MGAM: variants seen among roughly 807,000 people sequenced by gnomAD.
MGAM encodes maltase-glucoamylase, also known as alpha-1,4-glucosidase.
Under a neutral mutation model 358.8 loss-of-function variants are expected in MGAM, and 253 were observed. The observed-to-expected ratio is 0.71, with a 90% CI of 0.64 to 0.78. The LOEUF (loss-of-function observed/expected upper bound fraction) is 0.78, where lower values mean the gene tolerates loss of function less well. Among genes scored for constraint, MGAM ranks in the 30% least tolerant of loss-of-function variants. The pLI, the probability that MGAM is intolerant of heterozygous loss-of-function variation, is 0.00. For synonymous variants in MGAM, 1,105 were observed against 1,227.1 expected, an observed-to-expected ratio of 0.90 and a Z score of 2.08; for missense variants, 3,080 against 3,432.6, an observed-to-expected ratio of 0.90 and a Z score of 2.57.
chr7:142,042,157 TAC>T (rs1215171097), intron 21 of MGAM, among the ~76,000 whole-genome samples: 6 of 49,436 alleles, frequency 1.2e-4, no homozygotes, highest in African/African-American at 6.2e-4. Flanking sequence ...ATAATATATA[TAC>T]ATATAATATA....
At chr7:142,101,908 CAA>C (rs11452654) in intron 68 of MGAM, among the ~76,000 whole-genome samples, 2 of 130,050 alleles carry the variant, frequency 1.5e-5, no homozygotes, top group Non-Finnish European at 1.6e-5. Context: ...AACTCTGTCT[CAA>C]AAAAAAAAAA....
intron 13 of MGAM, among the ~76,000 whole-genome samples, chr7:142,032,100 T>C: frequency 6.6e-6 from 1 of 150,832 alleles, no homozygotes; most frequent in African/African-American, 2.4e-5. Context: ...ACTCCTTACA[T>C]TGTTGCAAAG....
chr7:142,086,295 G>A lies in MGAM; in HGVS notation c.6714G>A (p.Lys2238=), dbSNP rs771712086. The change falls in exon 56 of 71, where the codon AAG becomes AAA. Residue 2238 remains lysine, a synonymous_variant. Coordinates refer to ENST00000475668, the MANE Select transcript of MGAM (RefSeq NM_001365693.1). The part of the protein sequence containing the change: ...TRGVEDDVFI[K]YPNDGDIVWG... ...GCGTGGAGGATGACGTCTTCATCAAGTACCCAAATGATGGAGACATTGTCT... is the reference window on the plus strand; with the variant it reads ...GCGTGGAGGATGACGTCTTCATCAAATACCCAAATGATGGAGACATTGTCT... The A allele has an allele frequency of 5.7e-5, 88 of 1,537,894 alleles. 10 individuals carry two copies. The highest frequency in any genetic ancestry group is 1.1e-4 in the African/African-American group (8 of 74,222).
chr7:142,095,644 C>T lies in MGAM; in HGVS notation c.7538C>T (p.Pro2513Leu), dbSNP rs1483325255. The T allele has an allele frequency of 6.2e-7, 1 of 1,613,918 alleles. No individual in the cohort carries two copies. The highest frequency in any genetic ancestry group is 1.7e-5 in the Admixed American group (1 of 60,028). The change falls in exon 64 of 71, where the codon CCA (proline) becomes CTA (leucine). Residue 2513 changes from proline to leucine, a missense_variant. This residue lies in a region of MGAM where 932 missense variants were observed against 1,198.2 expected (regional missense o/e 0.78). Transcript: ENST00000475668. ...TVLQTRYTLL[P>L]YLYTLMHKAH... Reference sequence around the variant, plus strand: ...CTGCAGACCAGATACACCCTGTTGCCATATCTGTATACCTTGATGCATAAG... The same window carrying T: ...CTGCAGACCAGATACACCCTGTTGCTATATCTGTATACCTTGATGCATAAG...
At chr7:142,039,767 T>C (rs1445046420) in intron 19 of MGAM, among the ~76,000 whole-genome samples, 2 of 152,128 alleles carry the variant, frequency 1.3e-5, no homozygotes, top group African/African-American at 4.8e-5. Flanking sequence ...TTGTGCTGGC[T>C]TCTCATCTGC....
chr7:142,007,108 A>AT (rs1220088584), intron 2 of MGAM, among the ~76,000 whole-genome samples: 2 of 152,030 alleles, frequency 1.3e-5, no homozygotes, highest in Non-Finnish European at 2.9e-5. Flanking sequence ...TGTTGCTCTG[A>AT]TAGGTGCTCT....
At chr7:141,987,282 C>T (rs1554446397) in intron 2 of MGAM, among the ~76,000 whole-genome samples, 1 of 152,156 alleles carries the variant, frequency 6.6e-6, no homozygotes, top group Non-Finnish European at 1.5e-5. Flanking sequence ...TCTGCTTTTC[C>T]TTCTGTGGGT....
chr7:142,006,584 T>A (rs541919950), intron 2 of MGAM, among the ~76,000 whole-genome samples: 1 of 152,268 alleles, frequency 6.6e-6, no homozygotes, highest in African/African-American at 2.4e-5. Flanking sequence ...TGCTTTGTGC[T>A]TTGTCTTAAG....
At position 142,019,242 on chromosome 7, in the gene MGAM, C is replaced by A; in HGVS notation, c.371C>A (p.Ala124Asp). 1 of 1,613,690 alleles carries A rather than the reference C, an allele frequency of 6.2e-7. No homozygotes were observed. Among genetic ancestry groups the A allele is most frequent in the South Asian group, 1.1e-5 (1 of 91,080 alleles). Residue 124 changes from alanine to aspartate, a missense_variant, in exon 4 of 71, where the codon GCT (alanine) becomes GAT (aspartate). Ala to Asp is a moderately radical substitution (Grantham distance 126). Around this residue, in one of 5 missense-constraint regions of MGAM, gnomAD observed 1,816 missense variants for 1,840.5 expected, o/e 0.99. Transcript: ENST00000475668. ...GGCTGTTGCTGGAATCCCCAGGGAG[C>A]TGTAAGTGTTCCCTGGTGCTACTAT... is the stretch of plus-strand genomic sequence containing the variant. ...QRGCCWNPQG[A>D]VSVPWCYYSK...
intron 25 of MGAM, 45 bp from the exon 26 acceptor site, chr7:142,052,739 A>G: frequency 1.2e-6 from 2 of 1,603,834 alleles, no homozygotes; most frequent in Non-Finnish European, 8.5e-7. Flanking sequence ...GAGAACTTTA[A>G]GACCACATGC....
rs937702346 is a variant in MGAM, at chr7:142,059,944, A to C, written c.4037A>C (p.Asp1346Ala). Residue 1346 changes from aspartate (D) to alanine (A), a missense_variant, in exon 33 of 71, where the codon GAT becomes GCT. Around this residue, in one of 5 missense-constraint regions of MGAM, gnomAD observed 1,816 missense variants for 1,840.5 expected, o/e 0.99. Coordinates refer to ENST00000475668, the MANE Select transcript of MGAM (RefSeq NM_001365693.1). ...GACGTCTTCATCAAATACCCAAATG[A>C]TGGAGACATTGTCTGGGGAAAGGTA... ...EDDVFIKYPN[D>A]GDIVWGKVWP... is the part of the protein sequence containing the mutation. 2 of 1,607,540 alleles carry C rather than the reference A, an allele frequency of 1.2e-6. No homozygotes were observed. The highest frequency in any genetic ancestry group is 2.7e-5 in the African/African-American group (2 of 74,812).
intron 3 of MGAM, among the ~76,000 whole-genome samples, chr7:142,016,989 C>A (rs1421817880): frequency 1.3e-5 from 2 of 152,164 alleles, no homozygotes; most frequent in African/African-American, 4.8e-5. Context: ...GGACTTACTT[C>A]TTTAAATGTA....
intron 36 of MGAM, 44 bp from the exon 37 acceptor site, chr7:142,064,340 C>T (rs534322744): frequency 7.0e-5 from 111 of 1,580,828 alleles, no homozygotes; most frequent in South Asian, 3.5e-4. Context: ...CAGGGAGAAA[C>T]AGAATCAGGG....
At position 142,093,536 on chromosome 7, in the gene MGAM, C is replaced by G; in HGVS notation, c.7158C>G (p.Thr2386=). 1 of 1,501,458 alleles carries G rather than the reference C, an allele frequency of 6.7e-7. No individual in the cohort carries two copies. Among genetic ancestry groups the G allele is most frequent in the Non-Finnish European group, 9.1e-7 (1 of 1,104,434 alleles). 93.0% of individuals were successfully genotyped at this position (1,501,458 alleles called of 1,614,324 possible). A position where few individuals can be genotyped will look rare whatever the true frequency, so the allele number is the denominator to read the frequency against. The change falls in exon 60 of 71, where the codon ACC becomes ACG. Residue 2386 remains threonine (T), a synonymous_variant. Transcript: ENST00000475668. ...ACAACCTGTACGGGTGGTCCCAGACCAGACCCACATACGAGTGAGTCTCTG... is the reference window on the plus strand; with the variant it reads ...ACAACCTGTACGGGTGGTCCCAGACGAGACCCACATACGAGTGAGTCTCTG... ...NVHNLYGWSQ[T]RPTYEAVQEV...
intron 26 of MGAM, among the ~76,000 whole-genome samples, chr7:142,054,536 A>G (rs1213145440): frequency 6.6e-6 from 1 of 152,180 alleles, no homozygotes; most frequent in East Asian, 1.9e-4. Flanking sequence ...GCAATGTCCC[A>G]TTGAGTTTAT....
At position 142,088,437 on chromosome 7, in the gene MGAM, C is replaced by CTATGTATGTATGTATGTATGTATG. The variant is rs75555022; in HGVS notation, c.6810+1723_6810+1746dup. 2.2e-3 allele frequency among the ~76,000 whole-genome samples: 312 copies of CTATGTATGTATGTATGTATGTATG among 139,676 alleles called. 8 individuals carry two copies. Among genetic ancestry groups the CTATGTATGTATGTATGTATGTATG allele is most frequent in the African/African-American group, 7.4e-3 (291 of 39,372 alleles). The allele number at this position is 139,676 out of a possible 152,430, so 91.6% of individuals were successfully genotyped here. A position where few individuals can be genotyped will look rare whatever the true frequency, so the allele number is the denominator to read the frequency against. On this transcript the variant is annotated intron_variant, in intron 57 of 70. Coordinates refer to ENST00000475668, the MANE Select transcript of MGAM (RefSeq NM_001365693.1). Reference sequence around the variant, plus strand: ...TATCTATGTATATCCATGTACCCATCTATGTATGTATGTATGTATGTATGT... The same window carrying CTATGTATGTATGTATGTATGTATG: ...TATCTATGTATATCCATGTACCCATCTATGTATGTATGTATGTATGTATGTATGTATGTATGTATGTATGTATGT...
In MGAM at chr7:142,059,932, A is replaced by C; in HGVS notation, c.4025A>C (p.Lys1342Thr). 1 of 1,609,734 alleles carries C rather than the reference A, an allele frequency of 6.2e-7. No individual in the cohort carries two copies. Among genetic ancestry groups the C allele is most frequent in the Non-Finnish European group, 8.5e-7 (1 of 1,178,012 alleles). The change falls in exon 33 of 71, where the codon AAA becomes ACA. Residue 1342 changes from lysine (K) to threonine (T), a missense_variant. Coordinates refer to ENST00000475668, the MANE Select transcript of MGAM (RefSeq NM_001365693.1). ...GGCGTGGAGGATGACGTCTTCATCA[A>C]ATACCCAAATGATGGAGACATTGTC... ...TRGVEDDVFI[K>T]YPNDGDIVWG...
intron 2 of MGAM, 117 bp downstream of exon 2, chr7:142,005,774 G>A (rs1197583296): frequency 2.0e-5 from 20 of 997,174 alleles, no homozygotes; most frequent in Non-Finnish European, 2.9e-5. Flanking sequence ...TGCGGGGGCT[G>A]TTATATGTGT....
chr7:142,086,513 A>T, intron 56 of MGAM, 142 bp from the exon 57 acceptor site: 2 of 580,798 alleles, frequency 3.4e-6, no homozygotes, highest in Non-Finnish European at 5.6e-6. Context: ...TGTGTTACGG[A>T]ATTCACTTCT....
Sources: allele counts gnomAD v4.1 joint callset (sites outside exome capture counted in the v4.1 genomes callset), GRCh38; gene constraint gnomAD v4.1.1; regional missense constraint gnomAD v4.1.1; transcripts MANE v1.5; gene names NCBI Gene and HGNC (gene_info 2026-07-23, HGNC 2026-07-21).